The following ERMP1 variants were observed in gnomAD, a reference collection of about 807,000 sequenced individuals.
ERMP1 encodes endoplasmic reticulum metallopeptidase 1.
A neutral mutation model predicts 92.0 loss-of-function variants in ERMP1; 86 were observed. The ratio of observed to expected loss-of-function variants is 0.93; its 90% CI spans 0.79 to 1.12. The LOEUF (loss-of-function observed/expected upper bound fraction) is 1.12. ERMP1 is among the 50% of genes most tolerant of loss of function. The pLI, the probability that ERMP1 is intolerant of heterozygous loss-of-function variation, is 0.00. For synonymous variants in ERMP1, 530 were observed against 412.8 expected, an observed-to-expected ratio of 1.28 and a Z score of -3.44; for missense variants, 1,342 against 1,116.3, an observed-to-expected ratio of 1.20 and a Z score of -2.88.
At position 5,786,894 on chromosome 9, in the gene ERMP1, G is replaced by A. The variant is rs752467808; in HGVS notation, c.*250C>T. 5.9e-6 allele frequency: 2 copies of A among 339,538 alleles called. No homozygotes were observed. The highest frequency in any genetic ancestry group is 1.1e-5 in the Non-Finnish European group (2 of 185,128). 21.0% of individuals were successfully genotyped at this position (339,538 alleles called of 1,614,324 possible). On this transcript the variant is annotated 3_prime_UTR_variant, in exon 15 of 15. Coordinates refer to ENST00000339450, the MANE Select transcript of ERMP1 (RefSeq NM_024896.3). ...TAAGGTCATATAAAATGACGTGTGTGTAGTGGCAGTACCCACATGTGCTGA... is the reference window on the plus strand; with the variant it reads ...TAAGGTCATATAAAATGACGTGTGTATAGTGGCAGTACCCACATGTGCTGA...
chr9:5,811,692 T>C (rs1459867562), intron 6 of ERMP1, among the ~76,000 whole-genome samples: 2 of 152,204 alleles, frequency 1.3e-5, no homozygotes, highest in African/African-American at 4.8e-5. Context: ...TTTAATAATA[T>C]ATATTAACTG....
At chr9:5,796,062 CAA>C (rs1476061290) in intron 13 of ERMP1, among the ~76,000 whole-genome samples, 2 of 152,008 alleles carry the variant, frequency 1.3e-5, no homozygotes, top group African/African-American at 2.4e-5. Context: ...AGAAATCAAA[CAA>C]GATAAAAATA....
chr9:5,831,151 G>T, intron 1 of ERMP1, 123 bp from the exon 2 acceptor site: 3 of 669,184 alleles, frequency 4.5e-6, no homozygotes, highest in Non-Finnish European at 7.6e-6. Context: ...ATATAAAAGG[G>T]ACCGCCTTTC....
At chr9:5,865,787 A>G (rs2153926) in intron 5 of ERMP1, among the ~76,000 whole-genome samples, 137,744 of 145,256 alleles carry the variant, frequency 0.95, 65,674 homozygotes, top group East Asian at 1. Context: ...GCAGTGAGCC[A>G]AGATCGTGCC....
chr9:5,839,427 A>G (rs753369917), intron 6 of ERMP1, among the ~76,000 whole-genome samples: 1 of 152,176 alleles, frequency 6.6e-6, no homozygotes, highest in Non-Finnish European at 1.5e-5. Context: ...GCTCTGTTTG[A>G]CTTTCTCCAC....
intron 2 of ERMP1, among the ~76,000 whole-genome samples, chr9:5,826,556 G>A (rs7028560): frequency 6.6e-6 from 1 of 151,656 alleles, no homozygotes; most frequent in Non-Finnish European, 1.5e-5. Flanking sequence ...TGCTTGTTTG[G>A]GCTCTGTTAA....
intron 4 of ERMP1, among the ~76,000 whole-genome samples, chr9:5,817,030 C>G (rs1482835813): frequency 1.3e-5 from 2 of 151,832 alleles, no homozygotes; most frequent in East Asian, 3.9e-4. Flanking sequence ...TCCCAAGTAG[C>G]TGGGACTACA....
At chr9:5,845,008 G>C (rs1431458873) in intron 6 of ERMP1, among the ~76,000 whole-genome samples, 8 of 152,128 alleles carry the variant, frequency 5.3e-5, no homozygotes, top group African/African-American at 1.9e-4. Context: ...AAAGCGAACA[G>C]GGGAAAATGT....
At chr9:5,814,788 C>G (rs2131246526) in intron 4 of ERMP1, among the ~76,000 whole-genome samples, 1 of 152,110 alleles carries the variant, frequency 6.6e-6, no homozygotes, top group Non-Finnish European at 1.5e-5. Context: ...CCTATAGAAA[C>G]AGACATACAA....
At chr9:5,846,798 T>G (rs1473427421) in intron 6 of ERMP1, among the ~76,000 whole-genome samples, 2 of 152,190 alleles carry the variant, frequency 1.3e-5, no homozygotes, top group Non-Finnish European at 2.9e-5. Flanking sequence ...GAGGACTTGT[T>G]TGTGTTTATG....
At chr9:5,815,458 T>C (rs1050579076) in intron 4 of ERMP1, among the ~76,000 whole-genome samples, 7 of 101,332 alleles carry the variant, frequency 6.9e-5, no homozygotes, top group Admixed American at 5.2e-4. Flanking sequence ...ACAGAATATA[T>C]AGAGTAAAAT....
At chr9:5,828,496 T>G (rs1206226865) in intron 2 of ERMP1, among the ~76,000 whole-genome samples, 1 of 152,200 alleles carries the variant, frequency 6.6e-6, no homozygotes, top group African/African-American at 2.4e-5. Flanking sequence ...TATATAACAC[T>G]TTACTAACTA....
At chr9:5,805,581 C>T (rs773819912) in intron 9 of ERMP1, 30 bp downstream of exon 9, 2 of 1,527,860 alleles carry the variant, frequency 1.3e-6, no homozygotes, top group South Asian at 1.3e-5. Flanking sequence ...AGGTATTCTC[C>T]CATGTATATC....
intron 13 of ERMP1, among the ~76,000 whole-genome samples, chr9:5,789,387 C>T (rs570874246): frequency 3.1e-4 from 47 of 152,242 alleles, no homozygotes; most frequent in African/African-American, 1.0e-3. Context: ...TATTGGAAAA[C>T]GTGAACCAAA....
At chr9:5,834,272 A>G (rs1214365067), upstream of ERMP1, among the ~76,000 whole-genome samples, 1 of 152,196 alleles carries the variant, frequency 6.6e-6, no homozygotes, top group East Asian at 1.9e-4. Flanking sequence ...ACTCCTAGTT[A>G]TCCTTTAAAT....
chr9:5,835,447 T>C (rs1452265896), upstream of ERMP1, among the ~76,000 whole-genome samples: 13 of 152,116 alleles, frequency 8.5e-5, no homozygotes, highest in Admixed American at 6.5e-5. Flanking sequence ...AAAGCTGCTG[T>C]TTTATTAGGG....
chr9:5,802,075 T>G lies in ERMP1; in HGVS notation c.1915-747A>C, dbSNP rs578222106. Among the ~76,000 whole-genome samples the G allele has an allele frequency of 3.0e-4, 45 of 152,348 alleles. No individual in the cohort carries two copies. The South Asian group carries it at 6.0e-3, about 20-fold the overall frequency. On this transcript the variant is annotated intron_variant, in intron 10 of 14. Transcript: ENST00000339450. Reference sequence around the variant, plus strand: ...GAAGCCATTTGGGGAAACTTTTATGTGAAATCTGAAATTGTTCTAAGAAGC... The same window carrying G: ...GAAGCCATTTGGGGAAACTTTTATGGGAAATCTGAAATTGTTCTAAGAAGC...
At chr9:5,823,875 A>G in intron 4 of ERMP1, 21 bp downstream of exon 4, 1 of 1,494,924 alleles carries the variant, frequency 6.7e-7, no homozygotes, top group Non-Finnish European at 9.3e-7. Context: ...ATTAAAATAT[A>G]CAACGCACAA....
intron 4 of ERMP1, among the ~76,000 whole-genome samples, chr9:5,819,563 T>C (rs959588842): frequency 1.3e-5 from 2 of 152,170 alleles, no homozygotes; most frequent in African/African-American, 4.8e-5. Context: ...CCCTAAAAAA[T>C]TATGTAATCC....
Sources: allele counts gnomAD v4.1 joint callset (sites outside exome capture counted in the v4.1 genomes callset), GRCh38; gene constraint gnomAD v4.1.1; transcripts MANE v1.5; gene names NCBI Gene and HGNC (gene_info 2026-07-23, HGNC 2026-07-21).